ESCO1: variants seen among roughly 807,000 people sequenced by gnomAD.
The protein encoded by ESCO1 is establishment of sister chromatid cohesion N-acetyltransferase 1.
Under a neutral mutation model 83.5 loss-of-function variants are expected in ESCO1, and 33 were observed. The observed-to-expected ratio is 0.40, with a 90% CI of 0.30 to 0.53. ESCO1 has a LOEUF of 0.53. ESCO1 is among the 20% of genes least tolerant of loss of function. The pLI is 0.63. For synonymous variants in ESCO1, 332 were observed against 324.3 expected, an observed-to-expected ratio of 1.02 and a Z score of -0.25; for missense variants, 855 against 968.0, an observed-to-expected ratio of 0.88 and a Z score of 1.55.
intron 1 of ESCO1, among the ~76,000 whole-genome samples, chr18:21,598,456 T>G (rs956290979): frequency 2.0e-5 from 3 of 152,146 alleles, no homozygotes; most frequent in Non-Finnish European, 2.9e-5. Context: ...TCCCAGCACT[T>G]TGGGAGGCCG....
rs2038369803 is a variant in ESCO1 at position 21,573,522 on chromosome 18, G to A, written c.1322C>T (p.Thr441Ile). ...AGTTATATTTCTATCATGTAGCTTT[G>A]TCCCTAAAAACGTACTTTGAGTCAC... ...HPVTQSTFLG[T>I]KLHDRNITCQ... The change falls in exon 4 of 12, where the codon ACA becomes ATA. Residue 441 changes from threonine (T) to isoleucine (I), a missense_variant. Transcript: ENST00000269214. The A allele has an allele frequency of 6.2e-7, 1 of 1,613,574 alleles. No individual in the cohort carries two copies. The highest frequency in any genetic ancestry group is 8.5e-7 in the Non-Finnish European group (1 of 1,179,874).
chr18:21,540,602 G>A, intron 8 of ESCO1: 2 of 1,333,902 alleles, frequency 1.5e-6, no homozygotes, highest in South Asian at 2.4e-5. Context: ...TAGGGAAGGA[G>A]AAGCTACGTT....
chr18:21,547,349 A>T (rs1436843931), intron 8 of ESCO1, among the ~76,000 whole-genome samples: 2 of 23,004 alleles, frequency 8.7e-5, no homozygotes, highest in Admixed American at 6.6e-4. Context: ...TTGCTTACAG[A>T]TTTGAAAAAA....
intron 10 of ESCO1, among the ~76,000 whole-genome samples, chr18:21,535,584 G>A (rs560170335): frequency 1.3e-5 from 2 of 152,126 alleles, no homozygotes; most frequent in South Asian, 2.1e-4. Context: ...GGGTTTCACC[G>A]TATTAGCCAG....
At chr18:21,591,120 A>C (rs1262208329) in intron 1 of ESCO1, among the ~76,000 whole-genome samples, 1 of 152,204 alleles carries the variant, frequency 6.6e-6, no homozygotes, top group Non-Finnish European at 1.5e-5. Context: ...GACATAATCA[A>C]ATTAAGGATC....
intron 1 of ESCO1, among the ~76,000 whole-genome samples, chr18:21,584,977 T>C (rs1412249495): frequency 6.6e-6 from 1 of 151,766 alleles, no homozygotes; most frequent in Non-Finnish European, 1.5e-5. Flanking sequence ...CCGTCTCTAC[T>C]AAAAAAATAC....
chr18:21,579,800 A>ACACACG (rs2038474700), intron 2 of ESCO1, among the ~76,000 whole-genome samples: 1 of 36,794 alleles, frequency 2.7e-5, no homozygotes, highest in Non-Finnish European at 9.7e-5. Context: ...GCGCGCACAC[A>ACACACG]CACACACACA....
chr18:21,592,826 T>G (rs1315454360), intron 1 of ESCO1, among the ~76,000 whole-genome samples: 6 of 147,264 alleles, frequency 4.1e-5, no homozygotes, highest in Non-Finnish European at 9.0e-5. Flanking sequence ...GGCTCCTCAC[T>G]TCTCAGACGG....
At chr18:21,589,721 C>T (rs1201929435) in intron 1 of ESCO1, among the ~76,000 whole-genome samples, 2 of 152,146 alleles carry the variant, frequency 1.3e-5, no homozygotes, top group African/African-American at 4.8e-5. Context: ...ATACTTAGCT[C>T]GAAGATGGCA....
rs896074859 is a variant in ESCO1 at position 21,575,293 on chromosome 18, C to T, written c.-450G>A. ...TCTGAAGTCTACAGTTATTGGACTTCGATTCACTTGAAACATGTCTTATGG... is the reference window on the plus strand; with the variant it reads ...TCTGAAGTCTACAGTTATTGGACTTTGATTCACTTGAAACATGTCTTATGG... On this transcript the variant is annotated 5_prime_UTR_variant, in exon 4 of 12. Coordinates refer to ENST00000269214, the MANE Select transcript of ESCO1 (RefSeq NM_052911.3). The T allele has an allele frequency of 5.3e-5, 21 of 393,674 alleles. No homozygotes were observed. Among genetic ancestry groups the T allele is most frequent in the South Asian group, 1.3e-4 (1 of 7,530 alleles). 24.4% of individuals were successfully genotyped at this position (393,674 alleles called of 1,614,324 possible).
At chr18:21,579,901 A>AT (rs376518696) in intron 2 of ESCO1, among the ~76,000 whole-genome samples, 522 of 141,132 alleles carry the variant, frequency 3.7e-3, no homozygotes, top group Non-Finnish European at 6.2e-3. Context: ...TCTATTTTTA[A>AT]TTTTTTTTTT....
chr18:21,600,080 A>AC (rs2038820814), intron 1 of ESCO1, among the ~76,000 whole-genome samples: 1 of 152,014 alleles, frequency 6.6e-6, no homozygotes, highest in South Asian at 2.1e-4. Context: ...TAAAACCAAG[A>AC]CCCCACATCG....
chr18:21,579,272 G>C (rs1425993716), intron 2 of ESCO1, among the ~76,000 whole-genome samples: 10 of 151,826 alleles, frequency 6.6e-5, no homozygotes, highest in Non-Finnish European at 1.5e-5. Flanking sequence ...AGGATTATAG[G>C]CATGAGCCAC....
At chr18:21,578,186 G>GA (rs1175911597) in intron 2 of ESCO1, among the ~76,000 whole-genome samples, 4 of 151,284 alleles carry the variant, frequency 2.6e-5, no homozygotes, top group South Asian at 4.2e-4. Flanking sequence ...TTAATATGAA[G>GA]AAAAAACAGG....
chr18:21,550,878 C>T (rs1289662017), intron 8 of ESCO1, among the ~76,000 whole-genome samples: 1 of 151,784 alleles, frequency 6.6e-6, no homozygotes, highest in Non-Finnish European at 1.5e-5. Context: ...TTTCGGAGGC[C>T]GAGATGGGCG....
chr18:21,547,451 C>CA (rs2037988895), intron 8 of ESCO1, among the ~76,000 whole-genome samples: 1 of 151,782 alleles, frequency 6.6e-6, no homozygotes, highest in South Asian at 2.1e-4. Flanking sequence ...TAGTTAAGCT[C>CA]ACTTTCTTTT....
At chr18:21,575,930 T>G (rs977504657) in intron 2 of ESCO1, among the ~76,000 whole-genome samples, 153 bp from the exon 3 acceptor site, 1 of 152,226 alleles carries the variant, frequency 6.6e-6, no homozygotes, top group African/African-American at 2.4e-5. Context: ...GTACAGTATT[T>G]TAGTATTTCT....
intron 5 of ESCO1, 120 bp downstream of exon 5, chr18:21,567,860 A>G: frequency 1.5e-6 from 1 of 666,614 alleles, no homozygotes; most frequent in Non-Finnish European, 2.5e-6. Flanking sequence ...ACATATTTGA[A>G]AAATACAGCA....
intron 8 of ESCO1, among the ~76,000 whole-genome samples, chr18:21,541,792 C>T (rs759232564): frequency 2.0e-5 from 3 of 151,922 alleles, no homozygotes; most frequent in Non-Finnish European, 2.9e-5. Flanking sequence ...TTTAAAACAT[C>T]GAAAAGACCT....
Sources: gnomAD v4.1 joint callset for allele counts (sites outside exome capture counted in the v4.1 genomes callset) on GRCh38, gnomAD v4.1.1 for gene constraint, MANE v1.5 for transcripts, NCBI Gene and HGNC (gene_info 2026-07-23, HGNC 2026-07-21) for gene names.